The following SVEP1 variants were observed in gnomAD, a reference collection of about 807,000 sequenced individuals.
SVEP1 encodes sushi, von Willebrand factor type A, EGF and pentraxin domain containing 1, also known as sushi, von Willebrand factor type A, EGF and pentraxin domain-containing protein 1.
A neutral mutation model predicts 367.3 loss-of-function variants in SVEP1; 164 were observed. The ratio of observed to expected loss-of-function variants is 0.45; its 90% CI spans 0.39 to 0.51. SVEP1 has a LOEUF of 0.51. Among genes scored for constraint, SVEP1 ranks in the 20% least tolerant of loss-of-function variants. The probability of loss-of-function intolerance (pLI) is 0.00; values close to 1 mark genes in which losing one functional copy is unlikely to be tolerated. For synonymous variants in SVEP1, 1,666 were observed against 1,611.6 expected, an observed-to-expected ratio of 1.03 and a Z score of -0.81; for missense variants, 4,117 against 4,425.3, an observed-to-expected ratio of 0.93 and a Z score of 1.98.
chr9:110,439,825 A>T (rs1352047083), intron 27 of SVEP1, among the ~76,000 whole-genome samples: 1 of 152,170 alleles, frequency 6.6e-6, no homozygotes, highest in Non-Finnish European at 1.5e-5. Flanking sequence ...CATCCTGGCC[A>T]TCCTTATGCC....
In SVEP1 at chr9:110,365,492, G is replaced by A. The variant is rs565800894; in HGVS notation, c.*1047C>T. 2.0e-5 allele frequency: 3 copies of A among 152,244 alleles called. No individual in the cohort carries two copies. The highest frequency in any genetic ancestry group is 7.2e-5 in the African/African-American group (3 of 41,460). 9.4% of individuals were successfully genotyped at this position (152,244 alleles called of 1,614,324 possible). A position where few individuals can be genotyped will look rare whatever the true frequency, so the allele number is the denominator to read the frequency against. ...TTTTCCCAGAGGATGGAGGCAAGTT[G>A]ATTCTGAGTTTCCTATTTTAAAACA... is the stretch of plus-strand genomic sequence containing the variant. On this transcript the variant is annotated 3_prime_UTR_variant, in exon 48 of 48. Transcript: ENST00000374469.
chr9:110,564,839 C>T (rs1830470295), intron 1 of SVEP1, among the ~76,000 whole-genome samples: 1 of 151,634 alleles, frequency 6.6e-6, no homozygotes, highest in African/African-American at 2.4e-5. Flanking sequence ...TGACAGTAGT[C>T]ATATTTATAT....
chr9:110,550,049 T>G lies in SVEP1; in HGVS notation c.587A>C (p.Asp196Ala). Residue 196 changes from aspartate to alanine, a missense_variant, in exon 2 of 48, where the codon GAT (aspartate) becomes GCT (alanine). By Grantham distance (126) the Asp-to-Ala change is moderately radical. Transcript: ENST00000374469. ...AGGGTCTCCCCCATTGGAATATCCA[T>G]CAGTGATGAGAAATACAACTTTTGT... Reference protein sequence around the residue: ...NSTKVVFLITDGYSNGGDPRP... With the variant: ...NSTKVVFLITAGYSNGGDPRP... The G allele has an allele frequency of 1.2e-6, 2 of 1,614,048 alleles. No homozygotes were observed. Among genetic ancestry groups the G allele is most frequent in the Non-Finnish European group, 1.7e-6 (2 of 1,179,880 alleles).
intron 36 of SVEP1, 123 bp from the exon 37 acceptor site, chr9:110,411,858 T>A (rs1373328489): frequency 4.2e-6 from 4 of 941,450 alleles, no homozygotes; most frequent in Non-Finnish European, 6.1e-6. Context: ...AAATAATATT[T>A]CCTCTTTGAA....
intron 47 of SVEP1, among the ~76,000 whole-genome samples, chr9:110,369,232 A>AAGTT (rs1290358128): frequency 6.6e-6 from 1 of 152,188 alleles, no homozygotes; most frequent in Non-Finnish European, 1.5e-5. Flanking sequence ...GATGTTTAAA[A>AAGTT]AGTTATAAAT....
chr9:110,543,452 T>C (rs1830178359), intron 3 of SVEP1, among the ~76,000 whole-genome samples: 1 of 152,168 alleles, frequency 6.6e-6, no homozygotes, highest in Non-Finnish European at 1.5e-5. Context: ...GATGCACTAA[T>C]GACAGGCCCA....
At position 110,430,492 on chromosome 9, in the gene SVEP1, C is replaced by T. The variant is rs185019521; in HGVS notation, c.5354-42G>A. On this transcript the variant is annotated intron_variant, in intron 32 of 47. Transcript: ENST00000374469. ...TTGGTGGAATAATAAGTGGCTTTCA[C>T]ACAACCATGCAAAGTCTCACAGCAA... 456 of 1,558,902 alleles carry T rather than the reference C, an allele frequency of 2.9e-4. 2 individuals carry two copies. The Middle Eastern group carries it at 3.5e-3, about 12-fold the overall frequency.
Position 110,512,932 on chromosome 9 carries a change from A to T in SVEP1, c.1297T>A (p.Cys433Ser), listed in dbSNP as rs1345401058. ...NGLWSGSESY[C>S]RVRTCPHLRQ... Reference sequence around the variant, plus strand: ...AAATTGGCAGTTTGCATACCTCTGCAGTAGCTCTCTGAACCGGACCACAAA... The same window carrying T: ...AAATTGGCAGTTTGCATACCTCTGCTGTAGCTCTCTGAACCGGACCACAAA... Residue 433 changes from cysteine to serine, a missense_variant, in exon 5 of 48, where the codon TGC becomes AGC. Physicochemically the swap from Cys to Ser is moderately radical, Grantham distance 112. Coordinates refer to ENST00000374469, the MANE Select transcript of SVEP1 (RefSeq NM_153366.4). The T allele has an allele frequency of 3.1e-6, 5 of 1,613,910 alleles. No individual in the cohort carries two copies. The highest frequency in any genetic ancestry group is 1.3e-5 in the African/African-American group (1 of 74,948).
Position 110,531,235 on chromosome 9 carries a change from T to C in SVEP1, c.964+14880A>G, listed in dbSNP as rs182813119. ...TTTGATTTTTTTATAACTTGTTCTA[T>C]AGCTCATGATTTACTTTCATTTAAC... On this transcript the variant is annotated intron_variant, in intron 3 of 47. Coordinates refer to ENST00000374469, the MANE Select transcript of SVEP1 (RefSeq NM_153366.4). Among the ~76,000 whole-genome samples the C allele has an allele frequency of 1.2e-3, 185 of 152,328 alleles. 1 individual carries two copies. Among genetic ancestry groups the C allele is most frequent in the Non-Finnish European group, 1.2e-3 (79 of 68,024 alleles).
chr9:110,375,437 C>G lies in SVEP1; in HGVS notation c.10531G>C (p.Gly3511Arg), dbSNP rs555132455. 7 of 1,289,582 alleles carry G rather than the reference C, an allele frequency of 5.4e-6. No individual in the cohort carries two copies. The South Asian group carries it at 8.9e-5, about 16-fold the overall frequency. 79.9% of individuals were successfully genotyped at this position (1,289,582 alleles called of 1,614,324 possible). ...EPICILPCLN[G>R]GRCVAPYQCD... The stretch of plus-strand genomic sequence containing the variant: ...TGGTAAGGGGCCACACAGCGACCTC[C>G]GTTCAGACAGGGAAGAATGCAGATT... Residue 3511 changes from glycine (G) to arginine (R), a missense_variant, in exon 46 of 48, where the codon GGA (glycine) becomes CGA (arginine). Coordinates refer to ENST00000374469, the MANE Select transcript of SVEP1 (RefSeq NM_153366.4).
intron 27 of SVEP1, 151 bp downstream of exon 27, chr9:110,443,394 C>T (rs1564144220): frequency 9.7e-6 from 7 of 720,228 alleles, no homozygotes; most frequent in African/African-American, 1.8e-5. Flanking sequence ...TAATAACCCA[C>T]AGTTAGGATA....
Position 110,509,918 on chromosome 9 carries a change from AAGTT to A in SVEP1, c.1303+3004_1303+3007del, listed in dbSNP as rs200111642. 2.1e-3 allele frequency among the ~76,000 whole-genome samples: 315 copies of A among 152,318 alleles called. 9 individuals are homozygous for A. In the East Asian group the frequency reaches 0.056, roughly 27 times the overall value. On this transcript the variant is annotated intron_variant, in intron 5 of 47. Coordinates refer to ENST00000374469, the MANE Select transcript of SVEP1 (RefSeq NM_153366.4). ...AAAGTGTGATGCTTTGTATTGTGAC[AAGTT>A]AGTTACATTGGGAAATATGTTTGCC...
At chr9:110,374,696 G>A (rs879490384) in intron 46 of SVEP1, among the ~76,000 whole-genome samples, 7 of 152,070 alleles carry the variant, frequency 4.6e-5, no homozygotes, top group Non-Finnish European at 8.8e-5. Flanking sequence ...GGGAGGTTGT[G>A]GAGAAAAGGG....
chr9:110,448,129 A>ATG (rs143871165), intron 24 of SVEP1, among the ~76,000 whole-genome samples: 62,327 of 142,856 alleles, frequency 0.44, 12,866 homozygotes, highest in East Asian at 0.54. Context: ...AAGAAAGTGA[A>ATG]TGTGTGTGTG....
chr9:110,442,924 T>C (rs1270886682), intron 27 of SVEP1: 3 of 152,212 alleles, frequency 2.0e-5, no homozygotes, highest in Non-Finnish European at 4.4e-5. Flanking sequence ...TTTCTAATAC[T>C]TTAATTCATT....
intron 6 of SVEP1, among the ~76,000 whole-genome samples, chr9:110,501,350 T>A (rs1206920118): frequency 6.6e-6 from 1 of 151,854 alleles, no homozygotes; most frequent in African/African-American, 2.4e-5. Flanking sequence ...CATAGATCTT[T>A]TGAATGTCAT....
At chr9:110,484,778 T>TGAACAGACACTTTTCAAAA (rs1461971753) in intron 9 of SVEP1, among the ~76,000 whole-genome samples, 1 of 150,132 alleles carries the variant, frequency 6.7e-6, no homozygotes, top group Non-Finnish European at 1.5e-5. Flanking sequence ...GCAAAGGACA[T>TGAACAGACACTTTTCAAAA]GAACAGACAC....
chr9:110,450,070 G>A lies in SVEP1; in HGVS notation c.4092C>T (p.Ala1364=). 1.2e-6 allele frequency: 2 copies of A among 1,613,828 alleles called. No homozygotes were observed. The highest frequency in any genetic ancestry group is 1.7e-6 in the Non-Finnish European group (2 of 1,179,786). ...ACTTAGCCTTTTACCTGAAGCTATT[G>A]GCACCGTCTTTACAGGTAGCTCCAT... ...CKNGATCKDG[A]NSFRCLCAAG... The change falls in exon 24 of 48, where the codon GCC becomes GCT. Residue 1364 remains alanine (A), a synonymous_variant. Coordinates refer to ENST00000374469, the MANE Select transcript of SVEP1 (RefSeq NM_153366.4).
intron 1 of SVEP1, among the ~76,000 whole-genome samples, chr9:110,561,188 C>T (rs1830422142): frequency 6.6e-6 from 1 of 152,074 alleles, no homozygotes; most frequent in African/African-American, 2.4e-5. Context: ...GTTTGCTCTG[C>T]TTGGAAATTC....
Sources: allele counts gnomAD v4.1 joint callset (sites outside exome capture counted in the v4.1 genomes callset), GRCh38; gene constraint gnomAD v4.1.1; transcripts MANE v1.5; gene names NCBI Gene and HGNC (gene_info 2026-07-23, HGNC 2026-07-21).